Variants in CERCAM observed in about 807,000 individuals in gnomAD.
CERCAM encodes the protein cerebral endothelial cell adhesion molecule.
A neutral mutation model predicts 66.0 loss-of-function variants in CERCAM; 59 were observed. The observed-to-expected ratio is 0.89, with a 90% CI of 0.73 to 1.11. The LOEUF (loss-of-function observed/expected upper bound fraction) is 1.11. CERCAM is among the 50% of genes most tolerant of loss of function. CERCAM has a pLI of 0.00. For synonymous variants in CERCAM, 318 were observed against 343.6 expected (o/e 0.93, Z 0.83); for missense variants, 840 against 828.3 (o/e 1.01, Z -0.17).
At chr9:128,425,115 TG>T (rs1833812829) in intron 5 of CERCAM, among the ~76,000 whole-genome samples, 1 of 150,294 alleles carries the variant, frequency 6.7e-6, no homozygotes, top group African/African-American at 2.5e-5. Flanking sequence ...TGGAGTGCAG[TG>T]GCCGATCTTG....
chr9:128,425,794 G>C (rs1480887154), intron 5 of CERCAM, among the ~76,000 whole-genome samples: 2 of 150,704 alleles, frequency 1.3e-5, no homozygotes, highest in Non-Finnish European at 3.0e-5. Flanking sequence ...TACAGGCATG[G>C]GCCACTGAGC....
intron 7 of CERCAM, 23 bp from the exon 8 acceptor site, chr9:128,428,907 G>A (rs557470287): frequency 8.6e-5 from 138 of 1,605,608 alleles, no homozygotes; most frequent in Middle Eastern, 4.9e-4. Flanking sequence ...TGCACTTACC[G>A]CCCACCCCCC....
chr9:128,431,123 G>C, intron 8 of CERCAM, 48 bp from the exon 9 acceptor site: 1 of 1,603,316 alleles, frequency 6.2e-7, no homozygotes, highest in Non-Finnish European at 8.5e-7. Flanking sequence ...CCCCTCTGGA[G>C]GGGTCTCTGG....
At position 128,435,782 on chromosome 9, in the gene CERCAM, G is replaced by A; in HGVS notation, c.1665G>A (p.Trp555Ter). 1 of 1,613,234 alleles carries A rather than the reference G, an allele frequency of 6.2e-7. No individual in the cohort carries two copies. The highest frequency in any genetic ancestry group is 8.5e-7 in the Non-Finnish European group (1 of 1,179,854). ...WLSDTETSSP[W>*]DDDSGRLISW... ...GTGACACGGAGACATCCTCTCCATG[G>A]GATGATGACAGCGGCCGCCTCATCA... The change falls in exon 12 of 13, where the codon TGG becomes TGA. Residue 555 changes from tryptophan (W) to a stop codon, truncating the protein, a stop_gained. Transcript: ENST00000372838. LOFTEE classifies it high-confidence loss of function.
chr9:128,422,878 G>C lies in CERCAM; in HGVS notation c.208G>C (p.Asp70His), dbSNP rs1307627926. ...RARMALWCAT[D>H]HNVDNTTEML... ...TCTTCCCGTCCCCAGGTGTGCCACG[G>C]ACCACAATGTGGACAACACCACAGA... is the stretch of plus-strand genomic sequence containing the variant. The change falls in exon 2 of 13, where the codon GAC becomes CAC. Residue 70 changes from aspartate (D) to histidine (H), a missense_variant. Coordinates refer to ENST00000372838, the MANE Select transcript of CERCAM (RefSeq NM_016174.5). The C allele has an allele frequency of 6.2e-7, 1 of 1,614,038 alleles. No individual in the cohort carries two copies. Among genetic ancestry groups the C allele is most frequent in the Admixed American group, 1.7e-5 (1 of 59,996 alleles).
At chr9:128,421,667 C>T (rs1833712927) in intron 1 of CERCAM, 1 of 324,578 alleles carries the variant, frequency 3.1e-6, no homozygotes, top group African/African-American at 2.3e-5. Flanking sequence ...GAGCCTCTCC[C>T]CTCTGGCATC....
At chr9:128,433,030 A>C (rs1279397640) in intron 9 of CERCAM, among the ~76,000 whole-genome samples, 1 of 152,140 alleles carries the variant, frequency 6.6e-6, no homozygotes, top group African/African-American at 2.4e-5. Flanking sequence ...CTGTAATCCC[A>C]GCACTTTGGG....
At chr9:128,436,055 GTTGT>G (rs935049998) in intron 12 of CERCAM, 150 bp downstream of exon 12, 59 of 1,024,494 alleles carry the variant, frequency 5.8e-5, no homozygotes, top group African/African-American at 5.2e-4. Flanking sequence ...TGTTGTTGTT[GTTGT>G]TTGTTTGTTT....
In CERCAM at chr9:128,434,434, C is replaced by A. The variant is rs1402052665; in HGVS notation, c.1356C>A (p.Asn452Lys). The A allele has an allele frequency of 1.2e-6, 2 of 1,614,050 alleles. No individual in the cohort carries two copies. The highest frequency in any genetic ancestry group is 1.7e-5 in the Admixed American group (1 of 60,020). Residue 452 changes from asparagine (N) to lysine (K), a missense_variant, in exon 11 of 13, where the codon AAC becomes AAA. Asn to Lys is a moderately conservative substitution (Grantham distance 94). Transcript: ENST00000372838. The surrounding 1 kb of genome is among the most constrained non-coding windows in gnomAD (Gnocchi z 4.5). ...DLIYLGRKQV[N>K]PEKETAVEGL... is the part of the protein sequence containing the mutation. The stretch of plus-strand genomic sequence containing the variant: ...GCTACCTCGGACGGAAGCAGGTGAA[C>A]CCTGAGAAGGAGACGGCCGTGGAGG...
At position 128,420,900 on chromosome 9, in the gene CERCAM, C is replaced by A; in HGVS notation, c.23C>A (p.Pro8Gln). The A allele has an allele frequency of 7.4e-7, 1 of 1,346,530 alleles. No individual in the cohort carries two copies. The highest frequency in any genetic ancestry group is 1.9e-5 in the South Asian group (1 of 53,716). 83.4% of individuals were successfully genotyped at this position (1,346,530 alleles called of 1,614,324 possible). A position where few individuals can be genotyped will look rare whatever the true frequency, so the allele number is the denominator to read the frequency against. ...GCCATGCGCGCTGCCCGCGCCGCGCCGCTGCTCCAGCTGCTGCTCCTGCTG... is the reference window on the plus strand; with the variant it reads ...GCCATGCGCGCTGCCCGCGCCGCGCAGCTGCTCCAGCTGCTGCTCCTGCTG... Reference protein sequence around the residue: MRAARAAPLLQLLLLLGP... With the variant: MRAARAAQLLQLLLLLGP... Residue 8 changes from proline to glutamine, a missense_variant, in exon 1 of 13, where the codon CCG becomes CAG. Physicochemically the swap from Pro to Gln is moderately conservative, Grantham distance 76. Transcript: ENST00000372838. The surrounding 1 kb of genome is among the most constrained non-coding windows in gnomAD (Gnocchi z 5.0).
At chr9:128,433,065 G>A (rs1834016399) in intron 9 of CERCAM, among the ~76,000 whole-genome samples, 1 of 152,016 alleles carries the variant, frequency 6.6e-6, no homozygotes, top group South Asian at 2.1e-4. Flanking sequence ...GGATCACGAG[G>A]TCAGGAGATC....
chr9:128,428,257 G>C (rs892138331), intron 5 of CERCAM, 45 bp from the exon 6 acceptor site: 1 of 1,602,302 alleles, frequency 6.2e-7, no homozygotes, highest in African/African-American at 1.3e-5. Flanking sequence ...TGGGTTCTGA[G>C]AGCCCCACCC....
chr9:128,426,245 C>T (rs1325377789), intron 5 of CERCAM, among the ~76,000 whole-genome samples: 2 of 151,838 alleles, frequency 1.3e-5, no homozygotes, highest in Non-Finnish European at 2.9e-5. Context: ...GTGATCATGC[C>T]ACTGTACTCC....
At chr9:128,423,024 G>A (rs1456623910) in intron 2 of CERCAM, 46 bp downstream of exon 2, 3 of 1,612,620 alleles carry the variant, frequency 1.9e-6, no homozygotes, top group Non-Finnish European at 2.5e-6. Context: ...GAGAACAGCT[G>A]CAGCCCAGAG....
intron 8 of CERCAM, among the ~76,000 whole-genome samples, chr9:128,430,392 A>G (rs1425420617): frequency 6.6e-6 from 1 of 151,792 alleles, no homozygotes; most frequent in South Asian, 2.1e-4. Flanking sequence ...GACAACAGTG[A>G]GACTCTGTCT....
intron 12 of CERCAM, among the ~76,000 whole-genome samples, chr9:128,436,572 G>T (rs1166023557): frequency 6.6e-6 from 1 of 151,960 alleles, no homozygotes; most frequent in Non-Finnish European, 1.5e-5. Context: ...TAGAGACAGG[G>T]TGTCATCATG....
At chr9:128,433,349 G>T (rs1003780412) in intron 9 of CERCAM, among the ~76,000 whole-genome samples, 7 of 151,946 alleles carry the variant, frequency 4.6e-5, no homozygotes, top group Non-Finnish European at 8.8e-5. Context: ...TACTTGGGAG[G>T]CTGAGGCAGG....
chr9:128,434,184 G>A lies in CERCAM; in HGVS notation c.1286G>A (p.Arg429Gln), dbSNP rs114084202. Reference protein sequence around the residue: ...FESNFRGRLERLMEDVEAEKL... With the variant: ...FESNFRGRLEQLMEDVEAEKL... ...AGCAACTTCAGGGGGCGGCTGGAGC[G>A]GCTGATGGAGGATGTGGAGGCAGAG... Residue 429 changes from arginine to glutamine, a missense_variant, in exon 10 of 13, where the codon CGG (arginine) becomes CAG (glutamine). Physicochemically the swap from Arg to Gln is conservative, Grantham distance 43 (BLOSUM62 1). Transcript: ENST00000372838. The surrounding 1 kb of genome is among the most constrained non-coding windows in gnomAD (Gnocchi z 4.5). The A allele has an allele frequency of 1.5e-3, 2,457 of 1,614,134 alleles. 35 individuals carry two copies. The African/African-American group carries it at 0.03, about 19-fold the overall frequency.
At position 128,428,323 on chromosome 9, in the gene CERCAM, A is replaced by G. The variant is rs761876160; in HGVS notation, c.788A>G (p.Asn263Ser). Residue 263 changes from asparagine (N) to serine (S), a missense_variant, in exon 6 of 13, where the codon AAT (asparagine) becomes AGT (serine). Asn to Ser is a conservative substitution (Grantham distance 46, BLOSUM62 1). Coordinates refer to ENST00000372838, the MANE Select transcript of CERCAM (RefSeq NM_016174.5). The stretch of plus-strand genomic sequence containing the variant: ...GCAGGGGTCTCCGTCCACGTGTGCA[A>G]TGAGCACCGTTATGGGTACATGAAT... ...QAAGVSVHVC[N>S]EHRYGYMNVP... The G allele has an allele frequency of 2.4e-5, 38 of 1,613,908 alleles. No individual in the cohort carries two copies. Among genetic ancestry groups the G allele is most frequent in the Non-Finnish European group, 3.0e-5 (35 of 1,179,970 alleles).
Sources: gnomAD v4.1 joint callset for allele counts (sites outside exome capture counted in the v4.1 genomes callset) on GRCh38, gnomAD v4.1.1 for gene constraint, Gnocchi (gnomAD v3.1) non-coding constraint, MANE v1.5 for transcripts, NCBI Gene and HGNC (gene_info 2026-07-23, HGNC 2026-07-21) for gene names.